DDX56: variants seen among roughly 807,000 people sequenced by gnomAD.
DDX56 encodes the protein probable ATP-dependent RNA helicase DDX56.
Under a neutral mutation model 61.5 loss-of-function variants are expected in DDX56, and 45 were observed. The observed-to-expected ratio is 0.73, with a 90% CI of 0.58 to 0.94. The LOEUF (loss-of-function observed/expected upper bound fraction) is 0.94, where lower values mean the gene tolerates loss of function less well. Ranked by LOEUF, DDX56 falls within the 40% of genes least tolerant of loss-of-function variation. The pLI is 0.00. For missense variants in DDX56, 708 were observed against 690.7 expected (o/e 1.02, Z -0.28); for synonymous variants, 273 against 268.3 (o/e 1.02, Z -0.17).
In DDX56 at chr7:44,569,907, C is replaced by A. The variant is rs1383820403; in HGVS notation, c.1125-4G>T. ...TGGGTTGTTAGCGCGTGCTGTCCTGCAAGGGAAGACAGTGCAGCTTGCATC... is the reference window on the plus strand; with the variant it reads ...TGGGTTGTTAGCGCGTGCTGTCCTGAAAGGGAAGACAGTGCAGCTTGCATC... On this transcript the variant is annotated splice_polypyrimidine_tract_variant and splice_region_variant and intron_variant, in intron 8 of 13. Coordinates refer to ENST00000258772, the MANE Select transcript of DDX56 (RefSeq NM_019082.4). The A allele has an allele frequency of 1.2e-6, 2 of 1,611,044 alleles. No individual in the cohort carries two copies. The highest frequency in any genetic ancestry group is 1.7e-6 in the Non-Finnish European group (2 of 1,178,498).
chr7:44,571,458 A>G (rs1802667059), intron 6 of DDX56, 34 bp downstream of exon 6: 1 of 1,611,128 alleles, frequency 6.2e-7, no homozygotes, highest in Non-Finnish European at 8.5e-7. Context: ...TCTATCTTCA[A>G]CTTATTTCAA....
chr7:44,572,619 A>T lies in DDX56; in HGVS notation c.509T>A (p.Leu170His). The T allele has an allele frequency of 6.2e-7, 1 of 1,614,186 alleles. No individual in the cohort carries two copies. Among genetic ancestry groups the T allele is most frequent in the Non-Finnish European group, 8.5e-7 (1 of 1,180,040 alleles). The stretch of plus-strand genomic sequence containing the variant: ...TTCTTCAAAGCCAAAGGAAAAAAGA[A>T]GGTCAGCTTCGTCCACCACCAAAAG... ...LELLVVDEAD[L>H]LFSFGFEEEL... is the part of the protein sequence containing the mutation. The change falls in exon 4 of 14, where the codon CTT becomes CAT. Residue 170 changes from leucine to histidine, a missense_variant. Physicochemically the swap from Leu to His is moderately conservative, Grantham distance 99 (BLOSUM62 -3). Transcript: ENST00000258772.
In DDX56 at chr7:44,571,476, G is replaced by T; in HGVS notation, c.890+16C>A. On this transcript the variant is annotated intron_variant, in intron 6 of 13. Transcript: ENST00000258772. ...ATCTTCAACTTATTTCAACCAAGAT[G>T]TTGGCTGTGGCAGACCTGGAGCGCA... 1 of 1,612,284 alleles carries T rather than the reference G, an allele frequency of 6.2e-7. No homozygotes were observed. Among genetic ancestry groups the T allele is most frequent in the Non-Finnish European group, 8.5e-7 (1 of 1,178,430 alleles).
intron 13 of DDX56, 36 bp from the exon 14 acceptor site, chr7:44,566,115 C>T: frequency 7.0e-7 from 1 of 1,419,280 alleles, no homozygotes; most frequent in Non-Finnish European, 9.7e-7. Flanking sequence ...TTGGGGGAAT[C>T]AGGCCGACAG....
intron 7 of DDX56, 37 bp downstream of exon 7, chr7:44,570,721 T>C: frequency 6.3e-7 from 1 of 1,580,236 alleles, no homozygotes; most frequent in Non-Finnish European, 8.6e-7. Flanking sequence ...AACACAGGCA[T>C]TTCTGGGGAG....
rs748272486 is a variant in DDX56 at position 44,572,598 on chromosome 7, T to C, written c.530A>G (p.Glu177Gly). 1.9e-6 allele frequency: 3 copies of C among 1,614,070 alleles called. No homozygotes were observed. The highest frequency in any genetic ancestry group is 1.7e-5 in the Admixed American group (1 of 60,016). ...EADLLFSFGFEEELKSLLCHL... is the reference protein window; with the variant it reads ...EADLLFSFGFGEELKSLLCHL... ...CCAGAGGAGACTCTTGAGCTCTTCT[T>C]CAAAGCCAAAGGAAAAAAGAAGGTC... is the stretch of plus-strand genomic sequence containing the variant. The change falls in exon 4 of 14, where the codon GAA becomes GGA. Residue 177 changes from glutamate to glycine, a missense_variant. By Grantham distance (98) the Glu-to-Gly change is moderately conservative. Coordinates refer to ENST00000258772, the MANE Select transcript of DDX56 (RefSeq NM_019082.4).
Position 44,566,430 on chromosome 7 carries a change from A to C in DDX56, c.1566+18T>G. The C allele has an allele frequency of 3.2e-6, 5 of 1,543,720 alleles. No homozygotes were observed. The highest frequency in any genetic ancestry group is 4.4e-6 in the Non-Finnish European group (5 of 1,139,904). ...TGGGAGGAGTCCTGGGGCTGTCCGC[A>C]GTCCCCAGGAGCCGTACCTTGGCCT... is the stretch of plus-strand genomic sequence containing the variant. On this transcript the variant is annotated intron_variant, in intron 13 of 13. Coordinates refer to ENST00000258772, the MANE Select transcript of DDX56 (RefSeq NM_019082.4).
In DDX56 at chr7:44,570,032, G is replaced by A. The variant is rs553748750; in HGVS notation, c.1107C>T (p.Tyr369=). The A allele has an allele frequency of 2.5e-6, 4 of 1,614,224 alleles. No homozygotes were observed. Among genetic ancestry groups the A allele is most frequent in the Admixed American group, 3.3e-5 (2 of 60,028 alleles). ...NFDLPPTPEA[Y]IHRAGRTARA... ...ACTACTACCTGCCAGCTCGATGGATGTAGGCCTCAGGGGTTGGGGGAAGAT... is the reference window on the plus strand; with the variant it reads ...ACTACTACCTGCCAGCTCGATGGATATAGGCCTCAGGGGTTGGGGGAAGAT... The change falls in exon 8 of 14, where the codon TAC becomes TAT. Residue 369 remains tyrosine (Y), a synonymous_variant. Transcript: ENST00000258772.
intron 3 of DDX56, 52 bp from the exon 4 acceptor site, chr7:44,572,796 C>T: frequency 6.2e-7 from 1 of 1,608,664 alleles, no homozygotes; most frequent in East Asian, 2.2e-5. Flanking sequence ...GCTGGGATCT[C>T]ACCCTGGATT....
intron 12 of DDX56, 63 bp downstream of exon 12, chr7:44,568,055 C>T: frequency 7.7e-7 from 1 of 1,304,386 alleles, no homozygotes; most frequent in Non-Finnish European, 1.1e-6. Flanking sequence ...GCTGACCCAG[C>T]AGTGGAGAAA....
chr7:44,566,052 TG>T lies in DDX56; in HGVS notation c.1593del (p.Ser532AlafsTer25). 6.2e-7 allele frequency: 1 copy of T among 1,612,792 alleles called. No individual in the cohort carries two copies. Among genetic ancestry groups the T allele is most frequent in the Non-Finnish European group, 8.5e-7 (1 of 1,179,910 alleles). On this transcript the variant is annotated frameshift_variant, in exon 14 of 14. Coordinates refer to ENST00000258772, the MANE Select transcript of DDX56 (RefSeq NM_019082.4). LOFTEE classifies it high-confidence loss of function. ...AKRAKSQNPL[R>X]SFKHKGKKFR... ...AATTTCTTTCCTTTGTGCTTGAAGC[TG>T]CGCAGTGGGTTCTGGGACTTTGCTC...
rs532087144 is a variant in DDX56, at chr7:44,568,787, G to A, written c.1383+116C>T. ...TTCTGGGTCCATTTCCTCCCCTTCCGTGCCAAAGGCCAGAAAACTGCCCAG... is the reference window on the plus strand; with the variant it reads ...TTCTGGGTCCATTTCCTCCCCTTCCATGCCAAAGGCCAGAAAACTGCCCAG... On this transcript the variant is annotated intron_variant, in intron 11 of 13. Coordinates refer to ENST00000258772, the MANE Select transcript of DDX56 (RefSeq NM_019082.4). 5.6e-5 allele frequency: 44 copies of A among 791,810 alleles called. No homozygotes were observed. The East Asian group carries it at 8.2e-4, about 15-fold the overall frequency. The allele number at this position is 791,810 out of a possible 1,614,324, so 49.0% of individuals were successfully genotyped here. A position where few individuals can be genotyped will look rare whatever the true frequency, so the allele number is the denominator to read the frequency against.
At chr7:44,566,405 T>A in intron 13 of DDX56, 43 bp downstream of exon 13, 4 of 1,467,966 alleles carry the variant, frequency 2.7e-6, no homozygotes, top group Non-Finnish European at 9.3e-7. Context: ...AAGAGCAGGT[T>A]GGGAGGAGTC....
intron 12 of DDX56, 55 bp from the exon 13 acceptor site, chr7:44,566,579 C>A (rs1802542415): frequency 7.2e-7 from 1 of 1,385,162 alleles, no homozygotes. Flanking sequence ...CCCATCCCTG[C>A]CCTCCCGCTG....
intron 6 of DDX56, among the ~76,000 whole-genome samples, 161 bp from the exon 7 acceptor site, chr7:44,571,038 A>G (rs1802656103): frequency 1.3e-5 from 2 of 152,148 alleles, no homozygotes; most frequent in Non-Finnish European, 2.9e-5. Flanking sequence ...GGAAATAATT[A>G]TAGGGTTTTG....
chr7:44,571,709 G>A lies in DDX56; in HGVS notation c.673C>T (p.Leu225=), dbSNP rs1206211354. ...TGCTGTAACTGGTCTGGCCCAGGCA[G>A]CTGGGACTCCTGTAACTTAAGGGTA... ...PVTLKLQESQ[L]PGPDQLQQFQ... The change falls in exon 6 of 14, where the codon CTG becomes TTG. Residue 225 remains leucine (L), a synonymous_variant. Coordinates refer to ENST00000258772, the MANE Select transcript of DDX56 (RefSeq NM_019082.4). The A allele has an allele frequency of 6.2e-7, 1 of 1,614,066 alleles. No homozygotes were observed. The highest frequency in any genetic ancestry group is 8.5e-7 in the Non-Finnish European group (1 of 1,180,044).
chr7:44,566,533 G>A lies in DDX56; in HGVS notation c.1490-9C>T. Reference sequence around the variant, plus strand: ...ACGGAGAGCAGGAGGAACTGGAAGAGATGCTTGCCTGAGCAGTGGGCTCAC... The same window carrying A: ...ACGGAGAGCAGGAGGAACTGGAAGAAATGCTTGCCTGAGCAGTGGGCTCAC... On this transcript the variant is annotated splice_polypyrimidine_tract_variant and intron_variant, in intron 12 of 13. Coordinates refer to ENST00000258772, the MANE Select transcript of DDX56 (RefSeq NM_019082.4). The A allele has an allele frequency of 1.9e-6, 3 of 1,549,506 alleles. No individual in the cohort carries two copies. Among genetic ancestry groups the A allele is most frequent in the Non-Finnish European group, 2.6e-6 (3 of 1,142,506 alleles).
rs753559317 is a variant in DDX56 at position 44,573,872 on chromosome 7, G to A, written c.24C>T (p.Gly8=). Residue 8 remains glycine, a synonymous_variant, in exon 1 of 14, where the codon GGC becomes GGT. Coordinates refer to ENST00000258772, the MANE Select transcript of DDX56 (RefSeq NM_019082.4). Reference sequence around the variant, plus strand: ...GGGGATCGAGGCCCATGTGTTCGAAGCCCAGTGCTTCAGAGTCCTCCATGG... The same window carrying A: ...GGGGATCGAGGCCCATGTGTTCGAAACCCAGTGCTTCAGAGTCCTCCATGG... The part of the protein sequence containing the change: MEDSEAL[G]FEHMGLDPRL... The A allele has an allele frequency of 4.3e-6, 7 of 1,613,182 alleles. No homozygotes were observed. The highest frequency in any genetic ancestry group is 1.7e-5 in the Admixed American group (1 of 60,008).
At chr7:44,570,325 G>A (rs377552577) in intron 7 of DDX56, among the ~76,000 whole-genome samples, 197 bp from the exon 8 acceptor site, 4 of 152,248 alleles carry the variant, frequency 2.6e-5, no homozygotes, top group African/African-American at 7.2e-5. Flanking sequence ...CCCAAATCTC[G>A]GCCTGACCTC....
Sources: allele counts gnomAD v4.1 joint callset (sites outside exome capture counted in the v4.1 genomes callset), GRCh38; gene constraint gnomAD v4.1.1; transcripts MANE v1.5; gene names NCBI Gene and HGNC (gene_info 2026-07-23, HGNC 2026-07-21).